The following SPMIP7 variants were observed in gnomAD, a reference collection of about 807,000 sequenced individuals.
SPMIP7 encodes the protein sperm microtubule inner protein 7, also known as protein SPMIP7.
At chr7:50,117,432 A>G in the SPMIP7 span, 1 of 244,348 alleles carries the variant, frequency 4.1e-6, no homozygotes, top group African/African-American at 2.3e-5. Flanking sequence ...GCAAAAAAAA[A>G]TATATTAAAT....
the SPMIP7 span, among the ~76,000 whole-genome samples, chr7:50,136,435 G>T: frequency 7.6e-6 from 1 of 131,224 alleles, no homozygotes; most frequent in East Asian, 2.4e-4. Flanking sequence ...GGAGGCTGAG[G>T]CAGGAGAACC....
At chr7:50,110,431 G>T in the SPMIP7 span, among the ~76,000 whole-genome samples, 1 of 145,676 alleles carries the variant, frequency 6.9e-6, no homozygotes, top group Non-Finnish European at 1.5e-5. Flanking sequence ...TTAATATGTT[G>T]TATATAGTTT....
the SPMIP7 span, among the ~76,000 whole-genome samples, chr7:50,105,719 A>G: frequency 6.6e-6 from 1 of 152,238 alleles, no homozygotes; most frequent in Admixed American, 6.5e-5. Flanking sequence ...TGGTATTAGA[A>G]ATAGTGGCAA....
chr7:50,134,219 A>T, the SPMIP7 span: 1 of 1,546,386 alleles, frequency 6.5e-7, no homozygotes, highest in Non-Finnish European at 8.7e-7. Context: ...CTCTGAAAAG[A>T]TATAAAGGGG....
chr7:50,124,389 A>T, the SPMIP7 span, among the ~76,000 whole-genome samples: 1 of 152,202 alleles, frequency 6.6e-6, no homozygotes, highest in Admixed American at 6.5e-5. Flanking sequence ...ACCTTCAGGT[A>T]GTTGATATTT....
the SPMIP7 span, among the ~76,000 whole-genome samples, chr7:50,153,929 TAGG>T: frequency 3.3e-5 from 5 of 152,176 alleles, no homozygotes; most frequent in African/African-American, 9.7e-5. Flanking sequence ...TGCCTGCCAA[TAGG>T]AGGCTTTATC....
At chr7:50,154,123 G>A in the SPMIP7 span, among the ~76,000 whole-genome samples, 1 of 151,934 alleles carries the variant, frequency 6.6e-6, no homozygotes, top group African/African-American at 2.4e-5. Flanking sequence ...ATTCTGTTGT[G>A]TATATCATCC....
At chr7:50,134,424 C>A in the SPMIP7 span, among the ~76,000 whole-genome samples, 61 of 151,836 alleles carry the variant, frequency 4.0e-4, no homozygotes, top group African/African-American at 1.5e-3. Context: ...TTGAAATTTC[C>A]GTAATCGTGC....
chr7:50,117,436 A>G, the SPMIP7 span: 1 of 247,068 alleles, frequency 4.0e-6, no homozygotes, highest in South Asian at 4.5e-5. Flanking sequence ...AAAAAAATAT[A>G]TTAAATTCCA....
the SPMIP7 span, among the ~76,000 whole-genome samples, chr7:50,140,710 G>A: frequency 1.3e-5 from 2 of 152,208 alleles, no homozygotes; most frequent in South Asian, 2.1e-4. Flanking sequence ...ATGGAGGAGG[G>A]ATCTGGACCT....
chr7:50,125,137 C>CATATATATACACATATAT, the SPMIP7 span, among the ~76,000 whole-genome samples: 1 of 38,918 alleles, frequency 2.6e-5, no homozygotes, highest in Non-Finnish European at 4.7e-5. Context: ...CACACACACA[C>CATATATATACACATATAT]ACACATATAC....
the SPMIP7 span, among the ~76,000 whole-genome samples, chr7:50,135,222 CTG>C: frequency 6.6e-6 from 1 of 152,202 alleles, no homozygotes; most frequent in East Asian, 1.9e-4. Flanking sequence ...TGTCTCAGCT[CTG>C]TGCTTGCGAA....
At chr7:50,130,630 G>C in the SPMIP7 span, among the ~76,000 whole-genome samples, 2 of 152,056 alleles carry the variant, frequency 1.3e-5, no homozygotes, top group Non-Finnish European at 1.5e-5. Flanking sequence ...TGACAGATAA[G>C]TCTATTAAGA....
the SPMIP7 span, among the ~76,000 whole-genome samples, chr7:50,135,084 C>T: frequency 6.6e-6 from 1 of 152,182 alleles, no homozygotes; most frequent in African/African-American, 2.4e-5. Flanking sequence ...TGCTCGTTTC[C>T]AGGTTGTGTG....
the SPMIP7 span, chr7:50,095,923 T>TA: frequency 1.2e-5 from 6 of 506,316 alleles, no homozygotes; most frequent in Admixed American, 3.8e-5. Context: ...ATATTTGCCT[T>TA]AAAAAGAAAA....
the SPMIP7 span, among the ~76,000 whole-genome samples, chr7:50,155,178 A>G: frequency 6.6e-6 from 1 of 152,186 alleles, no homozygotes; most frequent in African/African-American, 2.4e-5. Context: ...CGCTGCACAG[A>G]AGTATTTTAG....
the SPMIP7 span, chr7:50,117,564 C>A: frequency 5.0e-6 from 1 of 198,530 alleles, no homozygotes; most frequent in Non-Finnish European, 1.1e-5. Context: ...CTACCCCTGC[C>A]TCATGCAGGT....
the SPMIP7 span, among the ~76,000 whole-genome samples, chr7:50,123,836 G>C: frequency 1.3e-5 from 2 of 151,916 alleles, no homozygotes; most frequent in Non-Finnish European, 2.9e-5. Flanking sequence ...GAAACGTAGG[G>C]TTTTCCAGAA....
chr7:50,135,899 G>A, the SPMIP7 span, among the ~76,000 whole-genome samples: 1 of 152,286 alleles, frequency 6.6e-6, no homozygotes, highest in Admixed American at 6.5e-5. Flanking sequence ...ATGGAAATTG[G>A]AAGTCTGAGA....
Sources: gnomAD v4.1 joint callset for allele counts (sites outside exome capture counted in the v4.1 genomes callset) on GRCh38, gnomAD v4.1.1 for gene constraint, MANE v1.5 for transcripts, NCBI Gene and HGNC (gene_info 2026-07-23, HGNC 2026-07-21) for gene names.